Variants in RANBP17 observed in about 807,000 individuals in gnomAD.
RANBP17 encodes ran-binding protein 17.
Under a neutral mutation model 141.2 loss-of-function variants are expected in RANBP17, and 158 were observed. The ratio of observed to expected loss-of-function variants is 1.12; its 90% CI spans 0.98 to 1.28. The LOEUF (loss-of-function observed/expected upper bound fraction) is 1.28. RANBP17 is among the 50% of genes most tolerant of loss of function. The probability of loss-of-function intolerance (pLI) is 0.00; values close to 1 mark genes in which losing one functional copy is unlikely to be tolerated. For missense variants in RANBP17, 1,438 were observed against 1,290.7 expected (o/e 1.11, Z -1.75); for synonymous variants, 430 against 450.0 (o/e 0.96, Z 0.56).
At chr5:170,984,348 C>T (rs1039190814) in intron 14 of RANBP17, among the ~76,000 whole-genome samples, 1 of 152,092 alleles carries the variant, frequency 6.6e-6, no homozygotes, top group African/African-American at 2.4e-5. Context: ...GTGTTTAGGC[C>T]AGGCACAGTG....
chr5:171,211,628 GT>G (rs1226824979), intron 20 of RANBP17, among the ~76,000 whole-genome samples: 2,666 of 126,124 alleles, frequency 0.021, 58 homozygotes, highest in African/African-American at 0.067. Context: ...TGAGGGCAGG[GT>G]TTTTTTTTTT....
At chr5:170,869,888 A>C (rs558863737) in intron 1 of RANBP17, among the ~76,000 whole-genome samples, 1 of 152,280 alleles carries the variant, frequency 6.6e-6, no homozygotes, top group South Asian at 2.1e-4. Context: ...GTTAAAAACA[A>C]CTGTGTACCA....
At chr5:171,089,272 GGGGTCAC>G (rs1479966685) in intron 14 of RANBP17, among the ~76,000 whole-genome samples, 2 of 97,792 alleles carry the variant, frequency 2.0e-5, no homozygotes, top group Admixed American at 2.0e-4. Flanking sequence ...AGGCTGCTCG[GGGGTCAC>G]GGGTCAGGGA....
chr5:171,174,020 G>A (rs1760274267), intron 16 of RANBP17, among the ~76,000 whole-genome samples: 1 of 152,156 alleles, frequency 6.6e-6, no homozygotes, highest in African/African-American at 2.4e-5. Context: ...TAAGTCCCCA[G>A]ATTGTAACTG....
chr5:171,020,075 G>T (rs543363156), intron 14 of RANBP17, among the ~76,000 whole-genome samples: 4 of 152,172 alleles, frequency 2.6e-5, no homozygotes, highest in Non-Finnish European at 4.4e-5. Context: ...ATGTAATTGT[G>T]TGGTTTTGAG....
intron 12 of RANBP17, among the ~76,000 whole-genome samples, chr5:170,939,513 T>C (rs1774158388): frequency 6.6e-6 from 1 of 151,834 alleles, no homozygotes; most frequent in Non-Finnish European, 1.5e-5. Context: ...GCCTCCAGAG[T>C]AGCTGGGACT....
chr5:171,016,442 T>C (rs1780439730), intron 14 of RANBP17, among the ~76,000 whole-genome samples: 2 of 152,068 alleles, frequency 1.3e-5, no homozygotes, highest in African/African-American at 4.8e-5. Context: ...CTTTAGACCA[T>C]TTTTCTTTAA....
intron 14 of RANBP17, among the ~76,000 whole-genome samples, chr5:171,034,633 T>A: frequency 6.6e-6 from 1 of 152,194 alleles, no homozygotes. Context: ...GTTCATTTCA[T>A]CACTTCATGG....
chr5:171,106,518 A>G (rs919759561), intron 14 of RANBP17, among the ~76,000 whole-genome samples: 2 of 152,210 alleles, frequency 1.3e-5, no homozygotes, highest in Non-Finnish European at 2.9e-5. Flanking sequence ...TTGTGAAGAA[A>G]CTAGTCAGTT....
At chr5:171,103,708 T>G (rs1324860999) in intron 14 of RANBP17, among the ~76,000 whole-genome samples, 3 of 152,058 alleles carry the variant, frequency 2.0e-5, no homozygotes, top group African/African-American at 7.2e-5. Context: ...AGTTTTGTGC[T>G]TGAAACGCAG....
At chr5:171,265,345 A>C (rs1766600643) in intron 24 of RANBP17, among the ~76,000 whole-genome samples, 1 of 151,830 alleles carries the variant, frequency 6.6e-6, no homozygotes. Flanking sequence ...GATCAGCCTG[A>C]CCAACATGGA....
rs371035445 is a variant in RANBP17 at position 170,916,442 on chromosome 5, G to T, written c.835-23G>T. The T allele has an allele frequency of 6.0e-4, 901 of 1,506,572 alleles. 1 individual carries two copies. Among genetic ancestry groups the T allele is most frequent in the Non-Finnish European group, 7.5e-4 (848 of 1,123,768 alleles). 93.3% of individuals were successfully genotyped at this position (1,506,572 alleles called of 1,614,324 possible). A position where few individuals can be genotyped will look rare whatever the true frequency, so the allele number is the denominator to read the frequency against. ...CCACAGATACTTTGAAAATTGAAAT[G>T]AAATTTTTTTGGTATTTTTTAGGCA... On this transcript the variant is annotated intron_variant, in intron 8 of 27. Coordinates refer to ENST00000523189, the MANE Select transcript of RANBP17 (RefSeq NM_022897.5).
chr5:170,914,334 T>C (rs983606821), intron 8 of RANBP17, 94 bp downstream of exon 8: 7 of 741,748 alleles, frequency 9.4e-6, no homozygotes, highest in African/African-American at 5.3e-5. Flanking sequence ...ATATATTCAA[T>C]TGAGTTTACT....
intron 14 of RANBP17, among the ~76,000 whole-genome samples, chr5:170,992,579 T>C (rs1039038955): frequency 2.0e-5 from 3 of 152,046 alleles, no homozygotes; most frequent in Admixed American, 2.0e-4. Context: ...TATAAAGCAT[T>C]GTGCATATCT....
chr5:171,155,609 C>T (rs543211405), intron 14 of RANBP17, among the ~76,000 whole-genome samples: 15 of 152,076 alleles, frequency 9.9e-5, no homozygotes, highest in African/African-American at 3.6e-4. Context: ...AAGATAACTC[C>T]CACAAATTCC....
At chr5:170,959,552 G>A (rs1775986612) in intron 13 of RANBP17, among the ~76,000 whole-genome samples, 1 of 152,150 alleles carries the variant, frequency 6.6e-6, no homozygotes, top group African/African-American at 2.4e-5. Flanking sequence ...CTTGAACAAT[G>A]TGGGAGTTAG....
intron 14 of RANBP17, among the ~76,000 whole-genome samples, chr5:171,054,592 G>C (rs897855817): frequency 6.6e-6 from 1 of 152,052 alleles, no homozygotes; most frequent in South Asian, 2.1e-4. Context: ...GTGCATTTTG[G>C]CCAGCTTCTT....
intron 14 of RANBP17, among the ~76,000 whole-genome samples, chr5:171,135,845 C>T (rs1757239505): frequency 6.6e-6 from 1 of 152,100 alleles, no homozygotes; most frequent in Admixed American, 6.6e-5. Context: ...TTTCTGTGTG[C>T]CTGGTAAATG....
chr5:171,042,770 C>A (rs1417597056), intron 14 of RANBP17, among the ~76,000 whole-genome samples: 1 of 152,026 alleles, frequency 6.6e-6, no homozygotes, highest in Non-Finnish European at 1.5e-5. Context: ...ATTGTAATAA[C>A]CCACTCTAGG....
Sources: gnomAD v4.1 joint callset for allele counts (sites outside exome capture counted in the v4.1 genomes callset) on GRCh38, gnomAD v4.1.1 for gene constraint, MANE v1.5 for transcripts, NCBI Gene and HGNC (gene_info 2026-07-23, HGNC 2026-07-21) for gene names.